Variants in ATP2B2 observed in about 807,000 individuals in gnomAD.
The protein encoded by ATP2B2 is ATPase plasma membrane Ca2+ transporting 2.
A neutral mutation model predicts 120.0 loss-of-function variants in ATP2B2; 15 were observed. The ratio of observed to expected loss-of-function variants is 0.12; its 90% CI spans 0.08 to 0.19. The LOEUF (loss-of-function observed/expected upper bound fraction) is 0.19. Ranked by LOEUF, ATP2B2 falls within the 10% of genes least tolerant of loss-of-function variation. The pLI, the probability that ATP2B2 is intolerant of heterozygous loss-of-function variation, is 1.00. For synonymous variants in ATP2B2, 694 were observed against 700.3 expected (o/e 0.99, Z 0.14); for missense variants, 1,045 against 1,719.8 (o/e 0.61, Z 6.94).
intron 1 of ATP2B2, among the ~76,000 whole-genome samples, chr3:10,703,230 G>A (rs2071845824): frequency 2.0e-5 from 3 of 152,222 alleles, no homozygotes; most frequent in Admixed American, 2.0e-4. Context: ...TGGGAAGAGG[G>A]ATGGGCTACA....
upstream of ATP2B2, among the ~76,000 whole-genome samples, chr3:10,506,459 G>A (rs1037792240): frequency 2.6e-4 from 40 of 152,212 alleles, no homozygotes; most frequent in Admixed American, 1.2e-3. Context: ...CCCGGGTGAG[G>A]AGTCGGTAGG....
intron 2 of ATP2B2, among the ~76,000 whole-genome samples, chr3:10,581,370 G>A (rs1389312020): frequency 3.3e-5 from 5 of 152,226 alleles, no homozygotes; most frequent in Non-Finnish European, 7.3e-5. Flanking sequence ...TTAGCTGGAT[G>A]GTGGGGATGG....
intron 1 of ATP2B2, among the ~76,000 whole-genome samples, chr3:10,646,917 A>T (rs780338399): frequency 3.3e-5 from 5 of 152,236 alleles, no homozygotes; most frequent in Non-Finnish European, 5.9e-5. Flanking sequence ...GTGGGGCGTT[A>T]CATAATCATA....
At position 10,329,585 on chromosome 3, in the gene ATP2B2, T is replaced by G; in HGVS notation, c.3421-460A>C. Reference sequence around the variant, plus strand: ...TCATCTTAGGAAAACCACACACAGTTAAGAAACCATACAACATGGAACATG... The same window carrying G: ...TCATCTTAGGAAAACCACACACAGTGAAGAAACCATACAACATGGAACATG... On this transcript the variant is annotated intron_variant, in intron 22 of 22. Coordinates refer to ENST00000360273, the MANE Select transcript of ATP2B2 (RefSeq NM_001001331.4). This position sits in a 1 kb window ranked among gnomAD's most constrained non-coding sequence, Gnocchi z 5.9. Among the ~76,000 whole-genome samples, 1 of 151,860 alleles carries G rather than the reference T, an allele frequency of 6.6e-6. No individual in the cohort carries two copies. Among genetic ancestry groups the G allele is most frequent in the East Asian group, 1.9e-4 (1 of 5,176 alleles).
upstream of ATP2B2, among the ~76,000 whole-genome samples, chr3:10,506,190 G>A (rs1289076018): frequency 1.3e-5 from 2 of 152,116 alleles, no homozygotes; most frequent in East Asian, 1.9e-4. Context: ...GTGTTTCCAG[G>A]GCCAGTGGAG....
chr3:10,512,043 C>A (rs189929843), intron 3 of ATP2B2, among the ~76,000 whole-genome samples: 1 of 152,138 alleles, frequency 6.6e-6, no homozygotes, highest in Non-Finnish European at 1.5e-5. Context: ...TTAACTACTA[C>A]CCCAGGAGAA....
chr3:10,677,279 C>T lies in ATP2B2; in HGVS notation c.-460+30636G>A, dbSNP rs149258383. Among the ~76,000 whole-genome samples, 9 of 152,226 alleles carry T rather than the reference C, an allele frequency of 5.9e-5. 1 individual carries two copies. Among genetic ancestry groups the T allele is most frequent in the African/African-American group, 2.2e-4 (9 of 41,544 alleles). On this transcript the variant is annotated intron_variant, in intron 1 of 21. Transcript: ENST00000646379. ...CAAAGACATGGAGGAATCTCAAATG[C>T]ATATTGCTAAGTGAAAGAAGCCAAC...
chr3:10,695,256 G>C (rs200857994), intron 1 of ATP2B2, among the ~76,000 whole-genome samples: 1 of 137,856 alleles, frequency 7.3e-6, no homozygotes, highest in Non-Finnish European at 1.7e-5. Context: ...GGGAGGGAGA[G>C]AGAGAGAGAG....
rs561234599 is a variant in ATP2B2 at position 10,449,051 on chromosome 3, G to A, written c.199+294C>T. On this transcript the variant is annotated intron_variant, in intron 2 of 22. Coordinates refer to ENST00000360273, the MANE Select transcript of ATP2B2 (RefSeq NM_001001331.4). Reference sequence around the variant, plus strand: ...CCCATAGTAACAGAATGTTGAACTCGCCACTCTGCGGCTGTGGGGCTCCTT... The same window carrying A: ...CCCATAGTAACAGAATGTTGAACTCACCACTCTGCGGCTGTGGGGCTCCTT... Among the ~76,000 whole-genome samples the A allele has an allele frequency of 1.6e-4, 25 of 152,262 alleles. No homozygotes were observed. The South Asian group carries it at 3.5e-3, about 21-fold the overall frequency.
intron 2 of ATP2B2, among the ~76,000 whole-genome samples, chr3:10,422,429 T>C (rs2063012334): frequency 6.6e-6 from 1 of 152,172 alleles, no homozygotes; most frequent in African/African-American, 2.4e-5. Flanking sequence ...GAGTTTATGA[T>C]CACATCACGG....
intron 1 of ATP2B2, among the ~76,000 whole-genome samples, chr3:10,685,791 C>T (rs962169895): frequency 4.6e-5 from 7 of 152,230 alleles, no homozygotes; most frequent in Non-Finnish European, 8.8e-5. Flanking sequence ...ATGATGGACA[C>T]ATCTTTGACA....
intron 2 of ATP2B2, among the ~76,000 whole-genome samples, chr3:10,574,149 T>C (rs1298244043): frequency 6.6e-6 from 1 of 152,202 alleles, no homozygotes; most frequent in Non-Finnish European, 1.5e-5. Flanking sequence ...TCTTCTGCTT[T>C]CTGCTTTGCC....
At chr3:10,422,626 C>A (rs984933208) in intron 2 of ATP2B2, among the ~76,000 whole-genome samples, 1 of 152,236 alleles carries the variant, frequency 6.6e-6, no homozygotes, top group Non-Finnish European at 1.5e-5. Context: ...GACCTGACAT[C>A]TAGACGTGCA....
Position 10,327,631 on chromosome 3 carries a change from T to C in ATP2B2, c.*1183A>G, listed in dbSNP as rs1364330024. The stretch of plus-strand genomic sequence containing the variant: ...TGCCAAAGAGAACCTATTTTTGAAA[T>C]GCTCTTAGTAAACTCAAGCGAGTTT... On this transcript the variant is annotated 3_prime_UTR_variant, in exon 23 of 23. Transcript: ENST00000360273. 2 of 152,710 alleles carry C rather than the reference T, an allele frequency of 1.3e-5. No individual in the cohort carries two copies. The highest frequency in any genetic ancestry group is 4.8e-5 in the African/African-American group (2 of 41,472). 9.5% of individuals were successfully genotyped at this position (152,710 alleles called of 1,614,324 possible). A position where few individuals can be genotyped will look rare whatever the true frequency, so the allele number is the denominator to read the frequency against.
At chr3:10,531,853 T>C (rs768085950) in intron 3 of ATP2B2, among the ~76,000 whole-genome samples, 6 of 152,170 alleles carry the variant, frequency 3.9e-5, no homozygotes, top group South Asian at 2.1e-4. Flanking sequence ...TGATTCCTAC[T>C]GGCCATCAGG....
intron 1 of ATP2B2, among the ~76,000 whole-genome samples, chr3:10,659,391 T>C (rs933900865): frequency 6.6e-6 from 1 of 152,040 alleles, no homozygotes; most frequent in Non-Finnish European, 1.5e-5. Context: ...AATAAAGGGA[T>C]GGAGGAACAT....
intron 14 of ATP2B2, among the ~76,000 whole-genome samples, chr3:10,355,148 G>A (rs1161980307): frequency 6.6e-6 from 1 of 152,118 alleles, no homozygotes; most frequent in Non-Finnish European, 1.5e-5. Context: ...CGCCCCACTC[G>A]GAGGTGCTGA....
Position 10,521,439 on chromosome 3 carries a change from T to G in ATP2B2, c.-320+12600A>C, listed in dbSNP as rs1575453895. Among the ~76,000 whole-genome samples the G allele has an allele frequency of 2.0e-5, 3 of 152,364 alleles. 1 individual carries two copies. The highest frequency in any genetic ancestry group is 7.2e-5 in the African/African-American group (3 of 41,590). Reference sequence around the variant, plus strand: ...ACTTTCATGGGCATGAATAAACCCATAGCCAGTGGATAATGTCGGTGATTA... The same window carrying G: ...ACTTTCATGGGCATGAATAAACCCAGAGCCAGTGGATAATGTCGGTGATTA... On this transcript the variant is annotated intron_variant, in intron 3 of 21. Coordinates refer to the ATP2B2 transcript ENST00000646379.
intron 2 of ATP2B2, among the ~76,000 whole-genome samples, chr3:10,542,052 G>T (rs1006232323): frequency 1.3e-5 from 2 of 152,106 alleles, no homozygotes; most frequent in African/African-American, 4.8e-5. Context: ...GACTTTATCT[G>T]ATATTTATAT....
Sources: gnomAD v4.1 joint callset for allele counts (sites outside exome capture counted in the v4.1 genomes callset) on GRCh38, gnomAD v4.1.1 for gene constraint, Gnocchi (gnomAD v3.1) non-coding constraint, MANE v1.5 for transcripts, NCBI Gene and HGNC (gene_info 2026-07-23, HGNC 2026-07-21) for gene names.